APAF1: variants seen among roughly 807,000 people sequenced by gnomAD.
APAF1 encodes the protein apoptotic protease-activating factor 1.
A neutral mutation model predicts 152.4 loss-of-function variants in APAF1; 91 were observed. That is an observed-to-expected ratio of 0.60 (90% CI 0.50 to 0.71). The LOEUF is 0.71. APAF1 is among the 30% of genes least tolerant of loss of function. The pLI is 0.00. For synonymous variants in APAF1, 484 were observed against 494.1 expected (o/e 0.98, Z 0.27); for missense variants, 1,283 against 1,472.0 (o/e 0.87, Z 2.10).
chr12:98,683,859 C>T (rs1319349635), intron 15 of APAF1, among the ~76,000 whole-genome samples: 4 of 152,138 alleles, frequency 2.6e-5, no homozygotes, highest in African/African-American at 9.7e-5. Context: ...GTTCTGTTAT[C>T]ACAGAGAGGA....
chr12:98,684,737 TA>T (rs889749851), intron 15 of APAF1, among the ~76,000 whole-genome samples: 5 of 150,692 alleles, frequency 3.3e-5, no homozygotes, highest in East Asian at 1.9e-4. Context: ...AATGTACCAC[TA>T]AAAAAAAATA....
intron 10 of APAF1, 147 bp from the exon 11 acceptor site, chr12:98,670,826 T>A: frequency 1.7e-6 from 1 of 594,204 alleles, no homozygotes; most frequent in East Asian, 2.8e-5. Flanking sequence ...TCTTTGGAAC[T>A]ATGGATGTGT....
At position 98,666,232 on chromosome 12, in the gene APAF1, G is replaced by A; in HGVS notation, c.1237G>A (p.Asp413Asn). 1 of 1,613,916 alleles carries A rather than the reference G, an allele frequency of 6.2e-7. No individual in the cohort carries two copies. The change falls in exon 9 of 27, where the codon GAC becomes AAC. Residue 413 changes from aspartate to asparagine, a missense_variant. Transcript: ENST00000551964. ...GGACATGGAAACTGAAGAAGTTGAA[G>A]ACATACTGCAGGAGTTTGTAAATAA... ...LWDMETEEVE[D>N]ILQEFVNKSL... is the part of the protein sequence containing the mutation.
chr12:98,650,383 G>A (rs2097647419), intron 4 of APAF1, among the ~76,000 whole-genome samples: 1 of 152,062 alleles, frequency 6.6e-6, no homozygotes, highest in Non-Finnish European at 1.5e-5. Context: ...CTACTCGGGA[G>A]GCTGAGGCAG....
intron 23 of APAF1, 78 bp downstream of exon 23, chr12:98,723,390 CTGT>C: frequency 6.8e-7 from 1 of 1,480,370 alleles, no homozygotes; most frequent in Non-Finnish European, 9.3e-7. Flanking sequence ...TCAAAAGCCA[CTGT>C]GAGGCTAATT....
intron 21 of APAF1, among the ~76,000 whole-genome samples, 165 bp from the exon 22 acceptor site, chr12:98,715,262 A>G (rs1276872573): frequency 7.9e-6 from 1 of 126,368 alleles, no homozygotes; most frequent in South Asian, 2.6e-4. Context: ...ATATATATAT[A>G]TATATATATA....
At chr12:98,672,805 A>C (rs1483206368) in intron 12 of APAF1, among the ~76,000 whole-genome samples, 1 of 151,830 alleles carries the variant, frequency 6.6e-6, no homozygotes. Flanking sequence ...CCCAGGCTGG[A>C]GTGCAATGGC....
At chr12:98,728,726 C>G (rs1488653698) in intron 26 of APAF1, among the ~76,000 whole-genome samples, 3 of 152,028 alleles carry the variant, frequency 2.0e-5, no homozygotes, top group Admixed American at 6.5e-5. Context: ...ATCTCAAAAA[C>G]AAACAAACAA....
At chr12:98,659,080 A>C in intron 4 of APAF1, 80 bp from the exon 5 acceptor site, 1 of 1,380,908 alleles carries the variant, frequency 7.2e-7, no homozygotes, top group Non-Finnish European at 1.0e-6. Flanking sequence ...ATTGGAGTAA[A>C]TCTGATGCTT....
chr12:98,685,749 C>T (rs2097697363), intron 15 of APAF1, among the ~76,000 whole-genome samples: 1 of 152,174 alleles, frequency 6.6e-6, no homozygotes, highest in Non-Finnish European at 1.5e-5. Context: ...AATTCTTATG[C>T]CTCAGCCTCC....
intron 13 of APAF1, among the ~76,000 whole-genome samples, chr12:98,678,145 C>G (rs984814368): frequency 6.6e-6 from 1 of 152,138 alleles, no homozygotes; most frequent in Non-Finnish European, 1.5e-5. Flanking sequence ...TAGCTTATGT[C>G]TATATGTGTA....
chr12:98,698,006 G>A lies in APAF1; in HGVS notation c.2305-1402G>A, dbSNP rs531614715. ...ACAGGGACCCTGGATACAGTGTAGCGACTTGCTCAGAATGAAATGCTGGTA... is the reference window on the plus strand; with the variant it reads ...ACAGGGACCCTGGATACAGTGTAGCAACTTGCTCAGAATGAAATGCTGGTA... On this transcript the variant is annotated intron_variant, in intron 16 of 26. Coordinates refer to ENST00000551964, the MANE Select transcript of APAF1 (RefSeq NM_181861.2). Among the ~76,000 whole-genome samples the A allele has an allele frequency of 1.6e-3, 238 of 152,266 alleles. 2 individuals carry two copies. Among genetic ancestry groups the A allele is most frequent in the Non-Finnish European group, 2.6e-3 (179 of 68,022 alleles).
chr12:98,665,656 A>G lies in APAF1; in HGVS notation c.1059A>G (p.Ile353Met). Residue 353 changes from isoleucine (I) to methionine (M), a missense_variant, in exon 8 of 27, where the codon ATA (isoleucine) becomes ATG (methionine). Coordinates refer to ENST00000551964, the MANE Select transcript of APAF1 (RefSeq NM_181861.2). ...KQLQNKQFKRIRKSSSYDYEA... is the reference protein window; with the variant it reads ...KQLQNKQFKRMRKSSSYDYEA... ...TTCAGAATAAGCAGTTTAAGAGAAT[A>G]AGGAAATCTTCGTCTTATGATTATG... The G allele has an allele frequency of 6.2e-7, 1 of 1,613,994 alleles. No individual in the cohort carries two copies. Among genetic ancestry groups the G allele is most frequent in the Non-Finnish European group, 8.5e-7 (1 of 1,179,952 alleles).
chr12:98,663,335 G>T (rs2097667961), intron 7 of APAF1, among the ~76,000 whole-genome samples: 1 of 151,870 alleles, frequency 6.6e-6, no homozygotes, highest in Non-Finnish European at 1.5e-5. Flanking sequence ...GAAACTATTA[G>T]CTCTTTGTCA....
At chr12:98,656,214 C>A (rs1183529269) in intron 4 of APAF1, among the ~76,000 whole-genome samples, 1 of 152,170 alleles carries the variant, frequency 6.6e-6, no homozygotes, top group East Asian at 1.9e-4. Flanking sequence ...CCGTGCCAGG[C>A]TCTAAATTCT....
chr12:98,707,692 C>CTA (rs10668292), intron 19 of APAF1, among the ~76,000 whole-genome samples: 58,296 of 139,446 alleles, frequency 0.42, 12,302 homozygotes, highest in Admixed American at 0.53. Flanking sequence ...ATGCAAAGTA[C>CTA]TATATATATA....
At chr12:98,698,694 G>A (rs945692270) in intron 16 of APAF1, among the ~76,000 whole-genome samples, 4 of 152,094 alleles carry the variant, frequency 2.6e-5, no homozygotes, top group Non-Finnish European at 5.9e-5. Flanking sequence ...ATCCTTCTCC[G>A]TGGCCAACCT....
chr12:98,659,881 A>G (rs560785006), intron 5 of APAF1, among the ~76,000 whole-genome samples: 5 of 151,464 alleles, frequency 3.3e-5, no homozygotes, highest in South Asian at 2.1e-4. Flanking sequence ...TTCTCTTTGC[A>G]TGCTACCTAC....
At chr12:98,690,941 G>T (rs2097703468) in intron 16 of APAF1, among the ~76,000 whole-genome samples, 1 of 152,156 alleles carries the variant, frequency 6.6e-6, no homozygotes, top group Non-Finnish European at 1.5e-5. Flanking sequence ...AGACATGGTG[G>T]CTCATGCCTG....
Sources: gnomAD v4.1 joint callset for allele counts (sites outside exome capture counted in the v4.1 genomes callset) on GRCh38, gnomAD v4.1.1 for gene constraint, MANE v1.5 for transcripts, NCBI Gene and HGNC (gene_info 2026-07-23, HGNC 2026-07-21) for gene names.